The following ATP9B variants were observed in gnomAD, a reference collection of about 807,000 sequenced individuals.
ATP9B encodes probable phospholipid-transporting ATPase IIB.
A neutral mutation model predicts 146.1 loss-of-function variants in ATP9B; 110 were observed. The ratio of observed to expected loss-of-function variants is 0.75; its 90% confidence interval spans 0.65 to 0.88. ATP9B has a LOEUF of 0.88. Among genes scored for constraint, ATP9B ranks in the 40% least tolerant of loss-of-function variants. The pLI, the probability that ATP9B is intolerant of heterozygous loss-of-function variation, is 0.00. For synonymous variants in ATP9B, 604 were observed against 569.7 expected (o/e 1.06, Z -0.86); for missense variants, 1,499 against 1,496.4 (o/e 1.00, Z -0.03).
intron 9 of ATP9B, among the ~76,000 whole-genome samples, chr18:79,203,410 G>A (rs191951403): frequency 1.3e-5 from 2 of 152,230 alleles, no homozygotes; most frequent in African/African-American, 4.8e-5. Context: ...GGAGGAGCAA[G>A]TACCTGATGC....
At chr18:79,268,499 G>A (rs2096225813) in intron 12 of ATP9B, among the ~76,000 whole-genome samples, 1 of 151,902 alleles carries the variant, frequency 6.6e-6, no homozygotes. Context: ...TTATGTAAGT[G>A]GTTTCTGTTC....
intron 11 of ATP9B, among the ~76,000 whole-genome samples, chr18:79,252,432 AT>A (rs5826628): frequency 0.71 from 107,440 of 152,034 alleles, 38,437 homozygotes; most frequent in African/African-American, 0.81. Flanking sequence ...GTTCCCTCTC[AT>A]TCCCCCAGCC....
intron 11 of ATP9B, among the ~76,000 whole-genome samples, chr18:79,216,056 T>G (rs1253500561): frequency 1.3e-5 from 2 of 149,720 alleles, no homozygotes; most frequent in Non-Finnish European, 3.0e-5. Flanking sequence ...ACTTTTGCAT[T>G]TATGATGATA....
intron 7 of ATP9B, among the ~76,000 whole-genome samples, chr18:79,170,113 C>T (rs1326784284): frequency 1.3e-5 from 2 of 152,204 alleles, no homozygotes; most frequent in East Asian, 3.8e-4. Context: ...GCCAGGAGCT[C>T]TGTTCTGGCT....
intron 9 of ATP9B, among the ~76,000 whole-genome samples, chr18:79,196,008 G>A (rs544190719): frequency 2.6e-5 from 4 of 152,298 alleles, no homozygotes; most frequent in South Asian, 2.1e-4. Flanking sequence ...ACTCCAAGAC[G>A]TGTAACTGCT....
intron 28 of ATP9B, among the ~76,000 whole-genome samples, chr18:79,374,879 A>ACGTGTGGCACTGT (rs2097094377): frequency 6.6e-6 from 1 of 152,260 alleles, no homozygotes; most frequent in Admixed American, 6.5e-5. Flanking sequence ...GAACACACTC[A>ACGTGTGGCACTGT]GTGCCACAGT....
At chr18:79,284,770 C>CAG (rs1384983222) in intron 13 of ATP9B, among the ~76,000 whole-genome samples, 4 of 148,778 alleles carry the variant, frequency 2.7e-5, no homozygotes, top group East Asian at 2.0e-4. Flanking sequence ...ATCCCTCCCC[C>CAG]CCACCCCACC....
At position 79,120,715 on chromosome 18, in the gene ATP9B, TAAAG is replaced by T. The variant is rs932212931; in HGVS notation, c.559-5547_559-5544del. ...TCTGTCTATGCAGAAGATCTTTAGA[TAAAG>T]AAAGCTCTGGCTCTAACAGTTTTTA... is the stretch of plus-strand genomic sequence containing the variant. On this transcript the variant is annotated intron_variant, in intron 4 of 29. Coordinates refer to ENST00000426216, the MANE Select transcript of ATP9B (RefSeq NM_198531.5). Among the ~76,000 whole-genome samples, 8 of 152,340 alleles carry T rather than the reference TAAAG, an allele frequency of 5.3e-5. No homozygotes were observed. In the East Asian group the frequency reaches 5.8e-4, roughly 11 times the overall value.
intron 15 of ATP9B, among the ~76,000 whole-genome samples, chr18:79,320,822 A>G (rs2096711699): frequency 6.6e-6 from 1 of 151,226 alleles, no homozygotes; most frequent in Admixed American, 6.6e-5. Flanking sequence ...TTACGTTGGG[A>G]GGGAGCTTAC....
chr18:79,322,909 G>A (rs1214645499), intron 15 of ATP9B, among the ~76,000 whole-genome samples: 1 of 152,130 alleles, frequency 6.6e-6, no homozygotes. Flanking sequence ...GTAGAGACTC[G>A]GGGCCTTTGA....
chr18:79,246,770 G>C (rs1186830164), intron 11 of ATP9B, among the ~76,000 whole-genome samples: 4 of 152,182 alleles, frequency 2.6e-5, no homozygotes, highest in Admixed American at 6.5e-5. Context: ...TGGGAGGTGT[G>C]AGTACGACTC....
chr18:79,353,592 C>CAGGTGTTAG (rs1456193535), intron 25 of ATP9B: 2 of 152,330 alleles, frequency 1.3e-5, no homozygotes, highest in East Asian at 3.9e-4. Context: ...AGAGAATAGC[C>CAGGTGTTAG]AGGTGTTAGC....
At chr18:79,213,084 T>G (rs1568417855) in intron 10 of ATP9B, among the ~76,000 whole-genome samples, 1 of 152,188 alleles carries the variant, frequency 6.6e-6, no homozygotes, top group African/African-American at 2.4e-5. Context: ...GCATTTTACA[T>G]GTTAAGTTAA....
intron 11 of ATP9B, among the ~76,000 whole-genome samples, chr18:79,218,828 A>T (rs73971532): frequency 0.023 from 3,511 of 152,334 alleles, 122 homozygotes; most frequent in African/African-American, 0.073. Flanking sequence ...AACAATTAAA[A>T]GGCCTTGGCC....
At chr18:79,178,332 C>T (rs867428569) in intron 8 of ATP9B, among the ~76,000 whole-genome samples, 1 of 152,110 alleles carries the variant, frequency 6.6e-6, no homozygotes, top group Non-Finnish European at 1.5e-5. Flanking sequence ...GTCATTCTGA[C>T]GGGTGTGCAG....
At chr18:79,197,853 G>A (rs1000389727) in intron 9 of ATP9B, among the ~76,000 whole-genome samples, 3 of 152,114 alleles carry the variant, frequency 2.0e-5, no homozygotes, top group Non-Finnish European at 4.4e-5. Flanking sequence ...TAGTACCCCC[G>A]AATTCATAGA....
rs113559209 is a variant in ATP9B at position 79,245,807 on chromosome 18, T to C, written c.1108-7574T>C. ...GCACCACCCTACTGACTGAGGAGGG[T>C]ACCACCCTACTGACTGAGGAGGGCA... On this transcript the variant is annotated intron_variant, in intron 11 of 29. Coordinates refer to ENST00000426216, the MANE Select transcript of ATP9B (RefSeq NM_198531.5). 6.6e-3 allele frequency among the ~76,000 whole-genome samples: 631 copies of C among 96,132 alleles called. 11 individuals are homozygous for C. The highest frequency in any genetic ancestry group is 0.024 in the African/African-American group (542 of 22,868). 63.1% of individuals were successfully genotyped at this position (96,132 alleles called of 152,430 possible). A position where few individuals can be genotyped will look rare whatever the true frequency, so the allele number is the denominator to read the frequency against.
chr18:79,322,334 C>A (rs1256137705), intron 15 of ATP9B, among the ~76,000 whole-genome samples: 2 of 152,238 alleles, frequency 1.3e-5, no homozygotes, highest in Non-Finnish European at 2.9e-5. Flanking sequence ...TCTAACCCAA[C>A]GTCAGAATTG....
intron 9 of ATP9B, among the ~76,000 whole-genome samples, chr18:79,197,358 A>C (rs2095426290): frequency 6.6e-6 from 1 of 151,946 alleles, no homozygotes; most frequent in Admixed American, 6.6e-5. Flanking sequence ...ATATATATAT[A>C]GCAATAAAAA....
Sources: gnomAD v4.1 joint callset for allele counts (sites outside exome capture counted in the v4.1 genomes callset) on GRCh38, gnomAD v4.1.1 for gene constraint, MANE v1.5 for transcripts, NCBI Gene and HGNC (gene_info 2026-07-23, HGNC 2026-07-21) for gene names.